The following SLC5A4 variants were observed in gnomAD, a reference collection of about 807,000 sequenced individuals.
The protein encoded by SLC5A4 is probable glucose sensor protein SLC5A4.
Under a neutral mutation model 70.3 loss-of-function variants are expected in SLC5A4, and 55 were observed. The observed-to-expected ratio is 0.78, with a 90% CI of 0.63 to 0.98. The LOEUF (loss-of-function observed/expected upper bound fraction) is 0.98, where lower values mean the gene tolerates loss of function less well. Among genes scored for constraint, SLC5A4 ranks in the 50% least tolerant of loss-of-function variants. SLC5A4 has a pLI of 0.00. For synonymous variants in SLC5A4, 268 were observed against 305.7 expected (o/e 0.88, Z 1.29); for missense variants, 735 against 839.2 (o/e 0.88, Z 1.53).
At chr22:32,321,187 G>A in the SLC5A4 span, among the ~76,000 whole-genome samples, 26 of 152,232 alleles carry the variant, frequency 1.7e-4, no homozygotes, top group Non-Finnish European at 2.8e-4. Flanking sequence ...TCAGGAGGCT[G>A]AGGCAGAAGA....
chr22:32,253,337 A>C (rs1033398152), intron 2 of SLC5A4, among the ~76,000 whole-genome samples: 1 of 152,242 alleles, frequency 6.6e-6, no homozygotes, highest in South Asian at 2.1e-4. Flanking sequence ...ACTGGGCAAG[A>C]ATCAAGAGGC....
At chr22:32,337,709 G>A in the SLC5A4 span, among the ~76,000 whole-genome samples, 18 of 148,658 alleles carry the variant, frequency 1.2e-4, no homozygotes, top group African/African-American at 4.2e-4. Flanking sequence ...AGAAAACTCT[G>A]ATTTGTAGCA....
intron 5 of SLC5A4, among the ~76,000 whole-genome samples, chr22:32,243,798 C>G (rs1362384814): frequency 1.3e-5 from 2 of 152,140 alleles, no homozygotes; most frequent in African/African-American, 4.8e-5. Context: ...CCCAGCCTAG[C>G]CAACATGGTG....
chr22:32,225,669 T>C lies in SLC5A4; in HGVS notation c.1435A>G (p.Arg479Gly). 1 of 1,610,928 alleles carries C rather than the reference T, an allele frequency of 6.2e-7. No homozygotes were observed. Among genetic ancestry groups the C allele is most frequent in the Non-Finnish European group, 8.5e-7 (1 of 1,178,816 alleles). Reference sequence around the variant, plus strand: ...TTTTCACTCACCTGTTCATTGACTCTTTTACAGAAGATGGCAAGCACAAAG... The same window carrying C: ...TTTTCACTCACCTGTTCATTGACTCCTTTACAGAAGATGGCAAGCACAAAG... ...AVFVLAIFCK[R>G]VNEQGAFWGL... is the part of the protein sequence containing the mutation. The change falls in exon 12 of 15, where the codon AGA becomes GGA. Residue 479 changes from arginine (R) to glycine (G), a missense_variant. Arg to Gly is a moderately radical substitution (Grantham distance 125, BLOSUM62 -2). Transcript: ENST00000266086.
chr22:32,229,589 C>A (rs373597321), intron 10 of SLC5A4, among the ~76,000 whole-genome samples: 5 of 152,060 alleles, frequency 3.3e-5, no homozygotes, highest in African/African-American at 7.2e-5. Flanking sequence ...ATCTAAAAAT[C>A]AAAAACAATT....
chr22:32,230,920 C>T (rs1303197780), intron 10 of SLC5A4, 48 bp downstream of exon 10: 14 of 1,153,396 alleles, frequency 1.2e-5, no homozygotes, highest in Admixed American at 5.2e-5. Context: ...CCTCGAGGCC[C>T]GTCTTAGACA....
the SLC5A4 span, among the ~76,000 whole-genome samples, chr22:32,331,145 G>GGAGGCTCTTGTGTGTGTTC: frequency 1.9e-4 from 14 of 73,748 alleles, 4 homozygotes; most frequent in Non-Finnish European, 3.8e-4. Flanking sequence ...TCTGTGTGTT[G>GGAGGCTCTTGTGTGTGTTC]GAGGCTCTGG....
the SLC5A4 span, among the ~76,000 whole-genome samples, chr22:32,338,318 T>C: frequency 6.6e-6 from 1 of 151,062 alleles, no homozygotes; most frequent in African/African-American, 2.5e-5. Context: ...GAAATACAGT[T>C]AACAAATGAA....
At chr22:32,302,065 T>C in the SLC5A4 span, among the ~76,000 whole-genome samples, 6 of 152,288 alleles carry the variant, frequency 3.9e-5, no homozygotes, top group East Asian at 5.8e-4. Context: ...CTTCATGACT[T>C]TGGATTAGGC....
chr22:32,230,150 T>C (rs1925663008), intron 10 of SLC5A4, among the ~76,000 whole-genome samples: 1 of 152,006 alleles, frequency 6.6e-6, no homozygotes, highest in African/African-American at 2.4e-5. Flanking sequence ...TGTGGTGTCA[T>C]GGTTGTGGGC....
At chr22:32,235,825 A>G (rs1157264173) in intron 7 of SLC5A4, among the ~76,000 whole-genome samples, 1 of 152,208 alleles carries the variant, frequency 6.6e-6, no homozygotes, top group East Asian at 1.9e-4. Flanking sequence ...CTGAGTTAAC[A>G]TTAATTTACT....
chr22:32,329,014 GCCAGCATGGCTCTGGGGGTTCCCTAGCA>G, the SLC5A4 span, among the ~76,000 whole-genome samples: 1 of 152,254 alleles, frequency 6.6e-6, no homozygotes, highest in Non-Finnish European at 1.5e-5. Flanking sequence ...TCCTACTGGT[GCCAGCATGGCTCTGGGGGTTCCCTAGCA>G]CCAGCCCCAT....
the SLC5A4 span, among the ~76,000 whole-genome samples, chr22:32,323,297 C>T: frequency 6.6e-6 from 1 of 152,208 alleles, no homozygotes. Context: ...TTTAAAGACT[C>T]CACTTTCCTC....
At chr22:32,346,423 C>T in the SLC5A4 span, among the ~76,000 whole-genome samples, 2 of 151,984 alleles carry the variant, frequency 1.3e-5, no homozygotes, top group South Asian at 4.2e-4. Flanking sequence ...AAGAACAAAG[C>T]TGGAGGCATC....
the SLC5A4 span, among the ~76,000 whole-genome samples, chr22:32,318,177 T>G: frequency 6.6e-6 from 1 of 151,984 alleles, no homozygotes; most frequent in African/African-American, 2.4e-5. Flanking sequence ...TCTTCACTCT[T>G]TCTACTCACT....
At chr22:32,291,992 T>G in the SLC5A4 span, among the ~76,000 whole-genome samples, 1 of 144,954 alleles carries the variant, frequency 6.9e-6, no homozygotes, top group East Asian at 2.0e-4. Context: ...CGTGCCTCAG[T>G]CTCCTGAGAA....
chr22:32,270,146 A>C, the SLC5A4 span: 1 of 610,760 alleles, frequency 1.6e-6, no homozygotes, highest in Non-Finnish European at 3.1e-6. Flanking sequence ...ACGAGATTGA[A>C]GTGTACGGCA....
chr22:32,347,264 A>G, the SLC5A4 span, among the ~76,000 whole-genome samples: 16 of 152,324 alleles, frequency 1.1e-4, no homozygotes, highest in African/African-American at 3.4e-4. Context: ...GTGGGACTGT[A>G]AACTAGTTCA....
At chr22:32,352,595 A>C in the SLC5A4 span, among the ~76,000 whole-genome samples, 1 of 151,902 alleles carries the variant, frequency 6.6e-6, no homozygotes, top group East Asian at 1.9e-4. Context: ...CCCTGGCTGC[A>C]CCTCCACCGC....
Sources: gnomAD v4.1 joint callset for allele counts (sites outside exome capture counted in the v4.1 genomes callset) on GRCh38, gnomAD v4.1.1 for gene constraint, MANE v1.5 for transcripts, NCBI Gene and HGNC (gene_info 2026-07-23, HGNC 2026-07-21) for gene names.